The following MYO1D variants were observed in gnomAD, a reference collection of about 807,000 sequenced individuals.
The protein encoded by MYO1D is myosin ID, also known as unconventional myosin-Id.
In MYO1D, 83 loss-of-function variants were observed where a neutral mutation model predicts 122.0. That is an observed-to-expected ratio of 0.68 (90% confidence interval 0.57 to 0.82). MYO1D has a LOEUF of 0.82. Among genes scored for constraint, MYO1D ranks in the 40% least tolerant of loss-of-function variants. MYO1D has a pLI of 0.00. For missense variants in MYO1D, 1,157 were observed against 1,269.5 expected (o/e 0.91, Z 1.35); for synonymous variants, 464 against 446.9 (o/e 1.04, Z -0.48).
At chr17:32,822,080 T>A (rs2090670917) in intron 1 of MYO1D, among the ~76,000 whole-genome samples, 1 of 152,178 alleles carries the variant, frequency 6.6e-6, no homozygotes, top group Non-Finnish European at 1.5e-5. Context: ...CACACATATG[T>A]TTATTGTGGC....
chr17:32,876,090 T>G (rs994630268), intron 1 of MYO1D, among the ~76,000 whole-genome samples: 5 of 151,776 alleles, frequency 3.3e-5, no homozygotes, highest in Non-Finnish European at 7.4e-5. Context: ...ACCAAAACCA[T>G]GAACGTCTTG....
intron 16 of MYO1D, among the ~76,000 whole-genome samples, chr17:32,683,956 G>A (rs1252915424): frequency 6.6e-6 from 1 of 152,184 alleles, no homozygotes; most frequent in East Asian, 1.9e-4. Flanking sequence ...GTGGTGCGCC[G>A]TTTTTTAAGC....
intron 16 of MYO1D, among the ~76,000 whole-genome samples, chr17:32,679,568 G>A (rs1448580671): frequency 6.6e-6 from 1 of 152,098 alleles, no homozygotes; most frequent in Non-Finnish European, 1.5e-5. Context: ...TCAGATAGTT[G>A]TAGGTATGTG....
intron 1 of MYO1D, among the ~76,000 whole-genome samples, chr17:32,870,991 C>T (rs966373122): frequency 3.3e-5 from 5 of 152,102 alleles, no homozygotes; most frequent in Non-Finnish European, 2.9e-5. Context: ...GTCCATGTAT[C>T]CTGAGAGCAC....
chr17:32,538,353 T>C (rs1000218506), intron 21 of MYO1D, among the ~76,000 whole-genome samples: 11 of 151,714 alleles, frequency 7.3e-5, no homozygotes, highest in African/African-American at 2.2e-4. Context: ...TGCATGATCA[T>C]AGCTCACTGT....
At chr17:32,864,151 T>C (rs1471371779) in intron 1 of MYO1D, among the ~76,000 whole-genome samples, 2 of 151,608 alleles carry the variant, frequency 1.3e-5, no homozygotes, top group African/African-American at 4.9e-5. Flanking sequence ...ACATATTCCT[T>C]GGAACCCCAC....
intron 19 of MYO1D, among the ~76,000 whole-genome samples, chr17:32,644,027 T>G (rs2088247684): frequency 6.6e-6 from 1 of 152,208 alleles, no homozygotes; most frequent in Non-Finnish European, 1.5e-5. Flanking sequence ...AGTTTAGATC[T>G]TTCCTGCTTT....
chr17:32,727,380 C>T (rs2089589580), intron 14 of MYO1D, among the ~76,000 whole-genome samples: 1 of 152,330 alleles, frequency 6.6e-6, no homozygotes, highest in African/African-American at 2.4e-5. Context: ...CAGCAAAGGA[C>T]AGACCTAATA....
chr17:32,605,025 T>C (rs1273232211), intron 21 of MYO1D, 62 bp downstream of exon 21: 2 of 1,436,504 alleles, frequency 1.4e-6, no homozygotes, highest in South Asian at 1.5e-5. Context: ...AGCTCAGTGA[T>C]AATTACGATT....
At chr17:32,633,170 T>TAAA (rs748018183) in intron 20 of MYO1D, among the ~76,000 whole-genome samples, 7 of 95,206 alleles carry the variant, frequency 7.4e-5, no homozygotes, top group South Asian at 6.6e-4. Flanking sequence ...AAGACTAAAT[T>TAAA]TAAAAAAAAA....
chr17:32,873,912 T>A (rs115365723), intron 1 of MYO1D, among the ~76,000 whole-genome samples: 1 of 152,226 alleles, frequency 6.6e-6, no homozygotes, highest in Non-Finnish European at 1.5e-5. Context: ...AATGGCCATA[T>A]GGAGAGCTGG....
chr17:32,771,084 C>T (rs1477698503), intron 6 of MYO1D, 41 bp downstream of exon 6: 1 of 1,451,886 alleles, frequency 6.9e-7, no homozygotes, highest in South Asian at 1.2e-5. Flanking sequence ...AATCCTTTGA[C>T]TGATTTTCTA....
chr17:32,858,522 A>G (rs2091045265), intron 1 of MYO1D, among the ~76,000 whole-genome samples: 3 of 152,188 alleles, frequency 2.0e-5, no homozygotes, highest in Admixed American at 2.0e-4. Flanking sequence ...TGAGCTTGCT[A>G]GGTGTTTCCT....
chr17:32,523,625 A>G (rs1397451613), intron 21 of MYO1D, among the ~76,000 whole-genome samples: 2 of 152,054 alleles, frequency 1.3e-5, no homozygotes, highest in Admixed American at 1.3e-4. Flanking sequence ...CCTGGGCAAC[A>G]TGGAGAAACC....
intron 21 of MYO1D, among the ~76,000 whole-genome samples, chr17:32,585,415 T>C (rs995521097): frequency 5.3e-5 from 8 of 152,186 alleles, no homozygotes; most frequent in Non-Finnish European, 1.2e-4. Flanking sequence ...TACTGGCTAC[T>C]AGTTGCTTTG....
intron 20 of MYO1D, among the ~76,000 whole-genome samples, chr17:32,625,637 C>A (rs1199469558): frequency 6.6e-6 from 1 of 151,974 alleles, no homozygotes; most frequent in African/African-American, 2.4e-5. Context: ...GCAACCTCTG[C>A]CTCCTGGGCT....
chr17:32,792,076 A>G (rs527268780), intron 1 of MYO1D, among the ~76,000 whole-genome samples: 1 of 152,236 alleles, frequency 6.6e-6, no homozygotes, highest in Non-Finnish European at 1.5e-5. Context: ...GTGATTATAC[A>G]ATAATATATT....
In MYO1D at chr17:32,743,939, G is replaced by A. The variant is rs1598058693; in HGVS notation, c.1613+1272C>T. ...AGCCTCAGCCTGCATTATTAAAATCGCCTCCTTTACTGTCTATTTCCATGC... is the reference window on the plus strand; with the variant it reads ...AGCCTCAGCCTGCATTATTAAAATCACCTCCTTTACTGTCTATTTCCATGC... On this transcript the variant is annotated intron_variant, in intron 13 of 21. Coordinates refer to ENST00000318217, the MANE Select transcript of MYO1D (RefSeq NM_015194.3). 2.0e-5 allele frequency among the ~76,000 whole-genome samples: 3 copies of A among 152,024 alleles called. No individual in the cohort carries two copies. The East Asian group carries it at 5.8e-4, about 29-fold the overall frequency.
intron 20 of MYO1D, among the ~76,000 whole-genome samples, chr17:32,616,704 T>G (rs1431269311): frequency 6.6e-6 from 1 of 152,080 alleles, no homozygotes; most frequent in Non-Finnish European, 1.5e-5. Context: ...GTTTGCAAAA[T>G]TTTTGCCACT....
Sources: gnomAD v4.1 joint callset for allele counts (sites outside exome capture counted in the v4.1 genomes callset) on GRCh38, gnomAD v4.1.1 for gene constraint, MANE v1.5 for transcripts, NCBI Gene and HGNC (gene_info 2026-07-23, HGNC 2026-07-21) for gene names.